The following SPRING1 variants were observed in gnomAD, a reference collection of about 807,000 sequenced individuals.
SPRING1 encodes SREBP regulating gene protein.
In SPRING1, 14 loss-of-function variants were observed where a neutral mutation model predicts 24.7. The ratio of observed to expected loss-of-function variants is 0.57; its 90% CI spans 0.37 to 0.88. SPRING1 has a LOEUF of 0.88. SPRING1 is among the 40% of genes least tolerant of loss of function. The pLI, the probability that SPRING1 is intolerant of heterozygous loss-of-function variation, is 0.00. For missense variants in SPRING1, 255 were observed against 268.4 expected, an observed-to-expected ratio of 0.95 and a Z score of 0.35; for synonymous variants, 93 against 106.1, an observed-to-expected ratio of 0.88 and a Z score of 0.76.
intron 1 of SPRING1, among the ~76,000 whole-genome samples, chr12:116,734,976 A>G (rs945416979): frequency 6.6e-6 from 1 of 152,234 alleles, no homozygotes. Context: ...CAAGAATGGA[A>G]GCAGAGACTT....
At chr12:116,719,654 G>T in intron 4 of SPRING1, 109 bp downstream of exon 4, 1 of 842,722 alleles carries the variant, frequency 1.2e-6, no homozygotes, top group Non-Finnish European at 1.9e-6. Flanking sequence ...ACGGCTTCGA[G>T]TCTCTTCTCC....
Position 116,712,561 on chromosome 12 carries a change from C to T in SPRING1, c.*5249G>A, listed in dbSNP as rs1221859615. 1.3e-5 allele frequency: 2 copies of T among 152,078 alleles called. No individual in the cohort carries two copies. Among genetic ancestry groups the T allele is most frequent in the African/African-American group, 4.8e-5 (2 of 41,418 alleles). The allele number at this position is 152,078 out of a possible 1,614,324, so 9.4% of individuals were successfully genotyped here. A position where few individuals can be genotyped will look rare whatever the true frequency, so the allele number is the denominator to read the frequency against. The stretch of plus-strand genomic sequence containing the variant: ...AGAGGCGGGGAAAGCTTCTCGGAGT[C>T]CCACTATCTTCTTTGTTTTTATTGC... On this transcript the variant is annotated 3_prime_UTR_variant, in exon 5 of 5. Transcript: ENST00000261318.
intron 1 of SPRING1, among the ~76,000 whole-genome samples, chr12:116,726,542 T>C (rs575114713): frequency 1.3e-5 from 2 of 152,308 alleles, no homozygotes; most frequent in South Asian, 4.1e-4. Context: ...AACATCTGTA[T>C]TCCTCAGTTA....
rs2137026451 is a variant in SPRING1, at chr12:116,715,409, T to C, written c.*2401A>G. On this transcript the variant is annotated 3_prime_UTR_variant, in exon 5 of 5. Coordinates refer to ENST00000261318, the MANE Select transcript of SPRING1 (RefSeq NM_024738.4). ...CAGAGTGGAGGGCAGGGAGAGGTCC[T>C]AGGTTGGGAGCTGGGAGCCTGGAGC... The C allele has an allele frequency of 6.6e-6, 1 of 152,294 alleles. No homozygotes were observed. The highest frequency in any genetic ancestry group is 6.5e-5 in the Admixed American group (1 of 15,296). 9.4% of individuals were successfully genotyped at this position (152,294 alleles called of 1,614,324 possible).
At chr12:116,730,261 C>T (rs763407193) in intron 1 of SPRING1, among the ~76,000 whole-genome samples, 2 of 151,614 alleles carry the variant, frequency 1.3e-5, no homozygotes, top group African/African-American at 4.8e-5. Flanking sequence ...GGCTGAAGTA[C>T]GGTGGTGGAT....
Position 116,712,526 on chromosome 12 carries a change from C to CT in SPRING1, c.*5283dup, listed in dbSNP as rs1869917091. 1 of 152,200 alleles carries CT rather than the reference C, an allele frequency of 6.6e-6. No homozygotes were observed. The highest frequency in any genetic ancestry group is 1.5e-5 in the Non-Finnish European group (1 of 68,052). 9.4% of individuals were successfully genotyped at this position (152,200 alleles called of 1,614,324 possible). A position where few individuals can be genotyped will look rare whatever the true frequency, so the allele number is the denominator to read the frequency against. ...AGAGCCTTGCCCAACGAACGATAGA[C>CT]TAACAGGCCAGAGGCGGGGAAAGCT... On this transcript the variant is annotated 3_prime_UTR_variant, in exon 5 of 5. Transcript: ENST00000261318.
rs999247511 is a variant in SPRING1 at position 116,715,698 on chromosome 12, G to A, written c.*2112C>T. On this transcript the variant is annotated 3_prime_UTR_variant, in exon 5 of 5. Transcript: ENST00000261318. ...AGTTGGCAAGAGACAGGGGGAAGAGGACTAGACCTGGAGTCAGAGATGAAG... is the reference window on the plus strand; with the variant it reads ...AGTTGGCAAGAGACAGGGGGAAGAGAACTAGACCTGGAGTCAGAGATGAAG... 1 of 152,248 alleles carries A rather than the reference G, an allele frequency of 6.6e-6. No homozygotes were observed. Among genetic ancestry groups the A allele is most frequent in the African/African-American group, 2.4e-5 (1 of 41,442 alleles). The allele number at this position is 152,248 out of a possible 1,614,324, so 9.4% of individuals were successfully genotyped here.
chr12:116,730,748 T>C (rs1870936860), intron 1 of SPRING1, among the ~76,000 whole-genome samples: 2 of 152,218 alleles, frequency 1.3e-5, no homozygotes, highest in South Asian at 4.1e-4. Context: ...AAATCACACT[T>C]GTTAATATCA....
intron 4 of SPRING1, 75 bp downstream of exon 4, chr12:116,719,688 G>A (rs1349406181): frequency 1.7e-5 from 21 of 1,252,382 alleles, no homozygotes; most frequent in South Asian, 1.5e-4. Flanking sequence ...CAAAAGGATC[G>A]ACAGTGTGTA....
At chr12:116,725,712 C>T (rs1385289423) in intron 1 of SPRING1, among the ~76,000 whole-genome samples, 2 of 152,046 alleles carry the variant, frequency 1.3e-5, no homozygotes, top group East Asian at 1.9e-4. Context: ...AGTGAAACCC[C>T]GTCTCTACTA....
chr12:116,724,957 G>T (rs1409030520), intron 1 of SPRING1, among the ~76,000 whole-genome samples: 1 of 152,168 alleles, frequency 6.6e-6, no homozygotes, highest in Non-Finnish European at 1.5e-5. Context: ...CAGGGTTGCA[G>T]ACCACTGCAT....
intron 1 of SPRING1, among the ~76,000 whole-genome samples, chr12:116,734,441 G>C (rs1026414698): frequency 6.6e-6 from 1 of 152,210 alleles, no homozygotes; most frequent in South Asian, 2.1e-4. Flanking sequence ...GTAGTGAAAA[G>C]GTGGTTGTAG....
At position 116,720,536 on chromosome 12, in the gene SPRING1, C is replaced by G; in HGVS notation, c.269-89G>C. Reference sequence around the variant, plus strand: ...ACCATGAAGCAGCAGTGAAAGTACACAGACAGAAGCTGGAGTCTGGGGCAT... The same window carrying G: ...ACCATGAAGCAGCAGTGAAAGTACAGAGACAGAAGCTGGAGTCTGGGGCAT... On this transcript the variant is annotated intron_variant, in intron 2 of 4. Coordinates refer to ENST00000261318, the MANE Select transcript of SPRING1 (RefSeq NM_024738.4). The surrounding 1 kb of genome is among the most constrained non-coding windows in gnomAD (Gnocchi z 4.0). The G allele has an allele frequency of 1.3e-6, 2 of 1,515,182 alleles. No homozygotes were observed. Among genetic ancestry groups the G allele is most frequent in the Middle Eastern group, 1.7e-4 (1 of 5,716 alleles). The allele number at this position is 1,515,182 out of a possible 1,614,324, so 93.9% of individuals were successfully genotyped here.
chr12:116,737,967 T>C lies in SPRING1; in HGVS notation c.-67A>G, dbSNP rs1360808880. The C allele has an allele frequency of 4.8e-6, 6 of 1,257,458 alleles. No homozygotes were observed. The East Asian group carries it at 1.7e-4, about 37-fold the overall frequency. The allele number at this position is 1,257,458 out of a possible 1,614,324, so 77.9% of individuals were successfully genotyped here. On this transcript the variant is annotated 5_prime_UTR_variant, in exon 1 of 5. It removes an upstream start codon present in the reference 5' UTR. Coordinates refer to ENST00000261318, the MANE Select transcript of SPRING1 (RefSeq NM_024738.4). ...CGGCAGGCCCGGGTCCCGGGCGGCA[T>C]GGCCCCTACGCGCCCGGCAGCCCCA...
Position 116,738,053 on chromosome 12 carries a change from G to A in SPRING1, c.-153C>T. ...CCCAGTCTGCTCCCGGCAGCCTTGGGCGCAGCCCCACGTGACCCCGCCCTA... is the reference window on the plus strand; with the variant it reads ...CCCAGTCTGCTCCCGGCAGCCTTGGACGCAGCCCCACGTGACCCCGCCCTA... On this transcript the variant is annotated 5_prime_UTR_variant, in exon 1 of 5. Transcript: ENST00000261318. 2 of 1,085,880 alleles carry A rather than the reference G, an allele frequency of 1.8e-6. No homozygotes were observed. Among genetic ancestry groups the A allele is most frequent in the Non-Finnish European group, 1.1e-6 (1 of 896,244 alleles). The allele number at this position is 1,085,880 out of a possible 1,614,324, so 67.3% of individuals were successfully genotyped here.
chr12:116,727,033 GC>G lies in SPRING1; in HGVS notation c.112-3811del, dbSNP rs1870729364. Reference sequence around the variant, plus strand: ...CTTAGCAATGTTTGCTTTTTTGAAGGCCCAGTCTTGCAAAGGGTGCTGAGGA... The same window carrying G: ...CTTAGCAATGTTTGCTTTTTTGAAGGCCAGTCTTGCAAAGGGTGCTGAGGA... On this transcript the variant is annotated intron_variant, in intron 1 of 4. Coordinates refer to ENST00000261318, the MANE Select transcript of SPRING1 (RefSeq NM_024738.4). 2.0e-5 allele frequency among the ~76,000 whole-genome samples: 3 copies of G among 152,204 alleles called. No individual in the cohort carries two copies. In the South Asian group the frequency reaches 6.2e-4, roughly 32 times the overall value.
At position 116,717,805 on chromosome 12, in the gene SPRING1, A is replaced by G; in HGVS notation, c.*5T>C. 2 of 1,587,766 alleles carry G rather than the reference A, an allele frequency of 1.3e-6. No individual in the cohort carries two copies. Among genetic ancestry groups the G allele is most frequent in the Non-Finnish European group, 1.7e-6 (2 of 1,168,820 alleles). On this transcript the variant is annotated 3_prime_UTR_variant, in exon 5 of 5. Coordinates refer to ENST00000261318, the MANE Select transcript of SPRING1 (RefSeq NM_024738.4). The surrounding 1 kb of genome is among the most constrained non-coding windows in gnomAD (Gnocchi z 4.2). ...ACCCAGGCTGGAGCAAGTCCGCTGCACCCGTCAAGCGGGGAAGAGCTCGGG... is the reference window on the plus strand; with the variant it reads ...ACCCAGGCTGGAGCAAGTCCGCTGCGCCCGTCAAGCGGGGAAGAGCTCGGG...
At chr12:116,721,875 T>TC (rs1461362509) in intron 2 of SPRING1, among the ~76,000 whole-genome samples, 1 of 152,210 alleles carries the variant, frequency 6.6e-6, no homozygotes, top group Non-Finnish European at 1.5e-5. Context: ...TCCTTTTTTT[T>TC]CCCCACTGCC....
At position 116,716,611 on chromosome 12, in the gene SPRING1, TG is replaced by T. The variant is rs964166534; in HGVS notation, c.*1198del. 3.9e-5 allele frequency: 6 copies of T among 152,744 alleles called. No homozygotes were observed. Among genetic ancestry groups the T allele is most frequent in the African/African-American group, 1.4e-4 (6 of 41,554 alleles). The allele number at this position is 152,744 out of a possible 1,614,324, so 9.5% of individuals were successfully genotyped here. The stretch of plus-strand genomic sequence containing the variant: ...AGTAGGAAAAATGGGGAGTGCTTTA[TG>T]CCTGTGGATTCAGGACACACCAGCA... On this transcript the variant is annotated 3_prime_UTR_variant, in exon 5 of 5. Transcript: ENST00000261318.
Sources: gnomAD v4.1 joint callset for allele counts (sites outside exome capture counted in the v4.1 genomes callset) on GRCh38, gnomAD v4.1.1 for gene constraint, Gnocchi (gnomAD v3.1) non-coding constraint, MANE v1.5 for transcripts, NCBI Gene and HGNC (gene_info 2026-07-23, HGNC 2026-07-21) for gene names.